The following EP400 variants were observed in gnomAD, a reference collection of about 807,000 sequenced individuals.
The protein encoded by EP400 is E1A-binding protein p400.
A neutral mutation model predicts 354.1 loss-of-function variants in EP400; 105 were observed. The ratio of observed to expected loss-of-function variants is 0.30; its 90% CI spans 0.25 to 0.35. The LOEUF is 0.35. Ranked by LOEUF, EP400 falls within the 10% of genes least tolerant of loss-of-function variation. The pLI, the probability that EP400 is intolerant of heterozygous loss-of-function variation, is 1.00. For synonymous variants in EP400, 1,646 were observed against 1,716.9 expected, an observed-to-expected ratio of 0.96 and a Z score of 1.02; for missense variants, 3,280 against 4,121.0, an observed-to-expected ratio of 0.80 and a Z score of 5.59.
In EP400 at chr12:131,961,990, T is replaced by A. The variant is rs1226495193; in HGVS notation, c.1335+36T>A. 5 of 1,572,676 alleles carry A rather than the reference T, an allele frequency of 3.2e-6. No homozygotes were observed. The African/African-American group carries it at 5.4e-5, about 17-fold the overall frequency. Reference sequence around the variant, plus strand: ...GGAGTTAATTTGTTTAGTACAAATCTTCTAGATGATCAGAGTCTATGCGAC... The same window carrying A: ...GGAGTTAATTTGTTTAGTACAAATCATCTAGATGATCAGAGTCTATGCGAC... On this transcript the variant is annotated intron_variant, in intron 2 of 52. Transcript: ENST00000389561.
In EP400 at chr12:131,951,470, C is replaced by T. The variant is rs559621144; in HGVS notation, c.-36+1434C>T. On this transcript the variant is annotated intron_variant, in intron 1 of 52. Coordinates refer to ENST00000389561, the MANE Select transcript of EP400 (RefSeq NM_015409.5). ...TGCTGGGACTGTAGGCGTGAGCTACCGCGCCGGGACACGTGGAAGTGTTAA... is the reference window on the plus strand; with the variant it reads ...TGCTGGGACTGTAGGCGTGAGCTACTGCGCCGGGACACGTGGAAGTGTTAA... Among the ~76,000 whole-genome samples, 10 of 152,266 alleles carry T rather than the reference C, an allele frequency of 6.6e-5. No homozygotes were observed. In the East Asian group the frequency reaches 1.2e-3, roughly 18 times the overall value.
chr12:132,000,359 G>A (rs1400039287), intron 12 of EP400, among the ~76,000 whole-genome samples: 1 of 152,064 alleles, frequency 6.6e-6, no homozygotes, highest in Non-Finnish European at 1.5e-5. Context: ...CACTGACCTG[G>A]ATTTTGTTGA....
rs1892711899 is a variant in EP400, at chr12:131,982,416, C to G, written c.1867C>G (p.Leu623Val). The change falls in exon 5 of 53, where the codon CTC becomes GTC. Residue 623 changes from leucine to valine, a missense_variant. Leu to Val is a conservative substitution (Grantham distance 32, BLOSUM62 1). Around this residue, in one of 20 missense-constraint regions of EP400, gnomAD observed 800 missense variants for 840.0 expected, o/e 0.95. Transcript: ENST00000389561. ...TCCCTCGCAGCCTGCACAGCTGGCC[C>G]TCCACGTTCCCACACCTGGAAAGGT... ...IPPSQPAQLA[L>V]HVPTPGKVQV... 1 of 1,614,180 alleles carries G rather than the reference C, an allele frequency of 6.2e-7. No homozygotes were observed. The highest frequency in any genetic ancestry group is 8.5e-7 in the Non-Finnish European group (1 of 1,180,014).
At chr12:131,977,872 G>A (rs1438565391) in intron 2 of EP400, among the ~76,000 whole-genome samples, 1 of 152,160 alleles carries the variant, frequency 6.6e-6, no homozygotes, top group African/African-American at 2.4e-5. Flanking sequence ...TGGCTGTGTG[G>A]TGGCCCTTGT....
intron 47 of EP400, among the ~76,000 whole-genome samples, chr12:132,063,693 G>A (rs1019358882): frequency 6.6e-6 from 1 of 152,132 alleles, no homozygotes; most frequent in Non-Finnish European, 1.5e-5. Flanking sequence ...TGGGCTGCAG[G>A]AGACGCACAC....
chr12:131,996,635 A>G (rs150023904), intron 12 of EP400, among the ~76,000 whole-genome samples: 20 of 152,218 alleles, frequency 1.3e-4, no homozygotes, highest in Non-Finnish European at 2.5e-4. Context: ...ATATATCTTT[A>G]GTTTTATTGC....
intron 51 of EP400, among the ~76,000 whole-genome samples, chr12:132,073,919 G>GTTTTTTT (rs34186152): frequency 2.2e-4 from 18 of 82,134 alleles, no homozygotes; most frequent in East Asian, 9.8e-4. Context: ...GTTTTTTGGG[G>GTTTTTTT]TTTTTTTTTT....
At chr12:132,071,154 T>C (rs1029474303) in intron 51 of EP400, among the ~76,000 whole-genome samples, 1 of 152,218 alleles carries the variant, frequency 6.6e-6, no homozygotes, top group Admixed American at 6.5e-5. Flanking sequence ...TCTGTTCTTT[T>C]CTACTTTGCT....
intron 1 of EP400, among the ~76,000 whole-genome samples, chr12:131,950,707 C>T (rs998229266): frequency 4.6e-5 from 7 of 152,204 alleles, no homozygotes; most frequent in African/African-American, 1.2e-4. Context: ...GGCTTCTGCT[C>T]AGCTGTCGCT....
rs757371136 is a variant in EP400 at position 132,011,477 on chromosome 12, A to T, written c.3305-21A>T. ...CATGACAGATACTTTGACGTGGAAAATTCTGTTTTTTGCTTTGTAGGTAAT... is the reference window on the plus strand; with the variant it reads ...CATGACAGATACTTTGACGTGGAAATTTCTGTTTTTTGCTTTGTAGGTAAT... On this transcript the variant is annotated intron_variant, in intron 15 of 52. Coordinates refer to ENST00000389561, the MANE Select transcript of EP400 (RefSeq NM_015409.5). The T allele has an allele frequency of 5.6e-6, 9 of 1,611,464 alleles. No homozygotes were observed. In the South Asian group the frequency reaches 9.9e-5, roughly 18 times the overall value.
intron 25 of EP400, among the ~76,000 whole-genome samples, chr12:132,026,460 A>C (rs1894307306): frequency 2.0e-5 from 3 of 152,094 alleles, no homozygotes; most frequent in Admixed American, 1.3e-4. Context: ...AGGCTCTGTT[A>C]GTTATCAGAG....
intron 12 of EP400, among the ~76,000 whole-genome samples, chr12:131,998,436 T>C (rs1200816330): frequency 6.6e-6 from 1 of 152,154 alleles, no homozygotes; most frequent in Non-Finnish European, 1.5e-5. Flanking sequence ...TTCACTTAGG[T>C]CTTCCTAAAT....
chr12:132,029,451 C>T lies in EP400; in HGVS notation c.5382-250C>T, dbSNP rs1737171786. The T allele has an allele frequency of 5.5e-6, 3 of 550,106 alleles. No individual in the cohort carries two copies. The highest frequency in any genetic ancestry group is 9.7e-6 in the Non-Finnish European group (3 of 309,594). The allele number at this position is 550,106 out of a possible 1,614,324, so 34.1% of individuals were successfully genotyped here. On this transcript the variant is annotated intron_variant, in intron 27 of 52. Coordinates refer to ENST00000389561, the MANE Select transcript of EP400 (RefSeq NM_015409.5). The surrounding 1 kb of genome is among the most constrained non-coding windows in gnomAD (Gnocchi z 4.7). The stretch of plus-strand genomic sequence containing the variant: ...GCCTGCGGCCTAGGGAATCCACCCC[C>T]ATTGATCCATCAGCCCTGGACTGTC...
Position 132,006,869 on chromosome 12 carries a change from G to A in EP400, c.3296G>A (p.Cys1099Tyr), listed in dbSNP as rs1234542568. ...QIIAFFAHLA[C>Y]NEGNWGPHLV... The stretch of plus-strand genomic sequence containing the variant: ...ATTGCTTTTTTTGCCCACCTAGCTT[G>A]TAACGAAGGTAAGAGTTTGCTAGTT... Residue 1099 changes from cysteine (C) to tyrosine (Y), a missense_variant, in exon 15 of 53, where the codon TGT (cysteine) becomes TAT (tyrosine). Cys to Tyr is a radical substitution (Grantham distance 194). This residue lies in a region of EP400 where 242 missense variants were observed against 357.9 expected (regional missense o/e 0.68). Transcript: ENST00000389561. The A allele has an allele frequency of 6.2e-7, 1 of 1,613,930 alleles. No individual in the cohort carries two copies. The highest frequency in any genetic ancestry group is 8.5e-7 in the Non-Finnish European group (1 of 1,179,964).
chr12:131,967,634 G>A (rs1290668998), intron 2 of EP400, among the ~76,000 whole-genome samples: 2 of 151,460 alleles, frequency 1.3e-5, no homozygotes, highest in Non-Finnish European at 2.9e-5. Flanking sequence ...AGGTTGCAGT[G>A]AGCCAAGATG....
chr12:132,023,147 T>C (rs1215142584), intron 23 of EP400, among the ~76,000 whole-genome samples: 1 of 150,884 alleles, frequency 6.6e-6, no homozygotes, highest in Non-Finnish European at 1.5e-5. Context: ...TTTTTTTTTT[T>C]TGGAGATGGA....
chr12:132,018,125 G>T lies in EP400; in HGVS notation c.4111-85G>T. On this transcript the variant is annotated intron_variant, in intron 20 of 52. Coordinates refer to ENST00000389561, the MANE Select transcript of EP400 (RefSeq NM_015409.5). This position sits in a 1 kb window ranked among gnomAD's most constrained non-coding sequence, Gnocchi z 4.0. ...GGGCGCGTCTGGATGCCCACGTTAG[G>T]GCCCTGCCATAGAAATCAGTTTTGA... 1 of 1,563,798 alleles carries T rather than the reference G, an allele frequency of 6.4e-7. No individual in the cohort carries two copies. Among genetic ancestry groups the T allele is most frequent in the South Asian group, 1.2e-5 (1 of 85,152 alleles).
In EP400 at chr12:132,077,784, GAT is replaced by G; in HGVS notation, c.*115_*116del. On this transcript the variant is annotated 3_prime_UTR_variant, in exon 53 of 53. Transcript: ENST00000389561. The stretch of plus-strand genomic sequence containing the variant: ...ACGCAAGAGATTCAGCACTGGGAAA[GAT>G]ATAATTGAAACAAAATAGTGTAATC... 2.3e-6 allele frequency: 3 copies of G among 1,282,304 alleles called. No homozygotes were observed. The highest frequency in any genetic ancestry group is 3.1e-6 in the Non-Finnish European group (3 of 956,236). 79.4% of individuals were successfully genotyped at this position (1,282,304 alleles called of 1,614,324 possible).
At chr12:131,966,784 A>T (rs902730774) in intron 2 of EP400, among the ~76,000 whole-genome samples, 1 of 150,964 alleles carries the variant, frequency 6.6e-6, no homozygotes, top group Non-Finnish European at 1.5e-5. Flanking sequence ...GGCACCTGTA[A>T]TCCCAGCTAC....
Sources: allele counts gnomAD v4.1 joint callset (sites outside exome capture counted in the v4.1 genomes callset), GRCh38; gene constraint gnomAD v4.1.1; regional missense constraint gnomAD v4.1.1; non-coding constraint Gnocchi (gnomAD v3.1); transcripts MANE v1.5; gene names NCBI Gene and HGNC (gene_info 2026-07-23, HGNC 2026-07-21).